Variants in BLTP3B observed in about 807,000 individuals in gnomAD.
BLTP3B encodes UHRF1 (ICBP90) binding protein 1-like.
chr12:100,079,234 G>A, the BLTP3B span, among the ~76,000 whole-genome samples: 1 of 152,174 alleles, frequency 6.6e-6, no homozygotes, highest in African/African-American at 2.4e-5. Flanking sequence ...GCAGAGGTTG[G>A]AACAGTTTGG....
chr12:100,090,512 TTAAC>T, the BLTP3B span, among the ~76,000 whole-genome samples: 2 of 152,172 alleles, frequency 1.3e-5, no homozygotes, highest in East Asian at 1.9e-4. Context: ...GAACAAGTTA[TTAAC>T]TAAAGATAAT....
chr12:100,115,986 T>A, the BLTP3B span, among the ~76,000 whole-genome samples: 1 of 151,804 alleles, frequency 6.6e-6, no homozygotes, highest in Non-Finnish European at 1.5e-5. Flanking sequence ...CTGGCCAACA[T>A]GATGAAATCC....
the BLTP3B span, among the ~76,000 whole-genome samples, chr12:100,086,618 C>T: frequency 6.6e-6 from 1 of 152,168 alleles, no homozygotes; most frequent in African/African-American, 2.4e-5. Context: ...ACAGATGATA[C>T]TAGCACAACT....
the BLTP3B span, among the ~76,000 whole-genome samples, chr12:100,057,346 G>A: frequency 2.7e-3 from 416 of 151,998 alleles, 1 homozygote; most frequent in African/African-American, 9.6e-3. Flanking sequence ...AAGTCTTTTT[G>A]GGGGGCTATA....
the BLTP3B span, among the ~76,000 whole-genome samples, chr12:100,100,464 A>G: frequency 6.6e-6 from 1 of 152,150 alleles, no homozygotes; most frequent in African/African-American, 2.4e-5. Context: ...TAATCCAAGC[A>G]CTTTGAGAGG....
the BLTP3B span, chr12:100,092,828 T>C: frequency 2.3e-6 from 2 of 875,526 alleles, no homozygotes; most frequent in Non-Finnish European, 2.7e-6. Context: ...TTTATGTCTA[T>C]GATGGTAATA....
At chr12:100,097,762 C>T in the BLTP3B span, among the ~76,000 whole-genome samples, 1 of 152,084 alleles carries the variant, frequency 6.6e-6, no homozygotes, top group African/African-American at 2.4e-5. Flanking sequence ...AGCTCAAATG[C>T]ATGAAATCAC....
At chr12:100,058,063 G>A in the BLTP3B span, 3 of 1,583,910 alleles carry the variant, frequency 1.9e-6, no homozygotes, top group Non-Finnish European at 2.6e-6. Flanking sequence ...GTTCTAACTG[G>A]GGGGGTCTCT....
At chr12:100,051,286 G>A in the BLTP3B span, 3 of 1,432,434 alleles carry the variant, frequency 2.1e-6, no homozygotes, top group East Asian at 7.4e-5. Context: ...AACACTGTAT[G>A]CTTATTTAAC....
chr12:100,061,162 T>C, the BLTP3B span, among the ~76,000 whole-genome samples: 1 of 152,182 alleles, frequency 6.6e-6, no homozygotes, highest in South Asian at 2.1e-4. Context: ...CTTTTGGGAA[T>C]AGAAATAAAG....
At chr12:100,048,732 G>A in the BLTP3B span, among the ~76,000 whole-genome samples, 1 of 140,292 alleles carries the variant, frequency 7.1e-6, no homozygotes, top group Non-Finnish European at 1.5e-5. Flanking sequence ...ATAGTAAGGG[G>A]GGGGAGAGAG....
chr12:100,125,231 G>A, the BLTP3B span, among the ~76,000 whole-genome samples: 2 of 150,176 alleles, frequency 1.3e-5, no homozygotes, highest in East Asian at 4.0e-4. Flanking sequence ...ACTCAGGGAG[G>A]CTGAAGCAGG....
the BLTP3B span, among the ~76,000 whole-genome samples, chr12:100,092,406 A>G: frequency 1.3e-5 from 2 of 152,230 alleles, no homozygotes; most frequent in Non-Finnish European, 2.9e-5. Flanking sequence ...CGTAATAGCT[A>G]CAAAGACTAA....
chr12:100,132,846 G>A, the BLTP3B span, among the ~76,000 whole-genome samples: 5 of 152,166 alleles, frequency 3.3e-5, no homozygotes, highest in Non-Finnish European at 5.9e-5. Flanking sequence ...TACTCCGGAG[G>A]CTGAGGCATA....
chr12:100,090,207 C>G, the BLTP3B span, among the ~76,000 whole-genome samples: 1 of 152,130 alleles, frequency 6.6e-6, no homozygotes, highest in Non-Finnish European at 1.5e-5. Context: ...TGCTCTGGTG[C>G]CTCTCCTAAA....
chr12:100,067,364 A>G, the BLTP3B span, among the ~76,000 whole-genome samples: 2 of 152,138 alleles, frequency 1.3e-5, no homozygotes, highest in Non-Finnish European at 2.9e-5. Context: ...ATGAAACTGA[A>G]ACAAACAAAA....
At chr12:100,093,257 AC>A in the BLTP3B span, among the ~76,000 whole-genome samples, 3 of 152,292 alleles carry the variant, frequency 2.0e-5, no homozygotes, top group Non-Finnish European at 1.5e-5. Flanking sequence ...TACAGAGTTT[AC>A]CTTCAATTCT....
At chr12:100,064,524 A>G in the BLTP3B span, among the ~76,000 whole-genome samples, 1 of 152,342 alleles carries the variant, frequency 6.6e-6, no homozygotes, top group Non-Finnish European at 1.5e-5. Flanking sequence ...AAGACTCTTA[A>G]GAGCTGTGAG....
At chr12:100,095,963 A>G in the BLTP3B span, 1 of 974,700 alleles carries the variant, frequency 1.0e-6, no homozygotes, top group Non-Finnish European at 1.4e-6. Context: ...CACAAGAAGT[A>G]TTTACTGGCC....
Sources: allele counts gnomAD v4.1 joint callset (sites outside exome capture counted in the v4.1 genomes callset), GRCh38; gene constraint gnomAD v4.1.1; transcripts MANE v1.5; gene names NCBI Gene and HGNC (gene_info 2026-07-23, HGNC 2026-07-21).